LRRIQ3: variants seen among roughly 807,000 people sequenced by gnomAD.
The protein encoded by LRRIQ3 is leucine-rich repeat and IQ domain-containing protein 3.
Under a neutral mutation model 59.3 loss-of-function variants are expected in LRRIQ3, and 75 were observed. That is an observed-to-expected ratio of 1.26 (90% CI 1.05 to 1.53). The LOEUF is 1.53. Among genes scored for constraint, LRRIQ3 ranks in the 40% most tolerant of loss-of-function variants. LRRIQ3 has a pLI of 0.00. For synonymous variants in LRRIQ3, 250 were observed against 231.3 expected, an observed-to-expected ratio of 1.08 and a Z score of -0.73; for missense variants, 831 against 710.0, an observed-to-expected ratio of 1.17 and a Z score of -1.94.
chr1:74,057,480 A>G (rs1654571581), intron 6 of LRRIQ3, among the ~76,000 whole-genome samples: 1 of 152,162 alleles, frequency 6.6e-6, no homozygotes, highest in Admixed American at 6.6e-5. Flanking sequence ...ATAGGTGGCA[A>G]GAATACTCAT....
At chr1:74,149,155 C>T (rs940511615) in intron 4 of LRRIQ3, among the ~76,000 whole-genome samples, 23 of 152,074 alleles carry the variant, frequency 1.5e-4, no homozygotes, top group African/African-American at 4.3e-4. Flanking sequence ...TTTCTTGTAA[C>T]GTCTTTGTAA....
chr1:74,131,735 A>G (rs552410734), intron 4 of LRRIQ3, among the ~76,000 whole-genome samples: 1 of 152,126 alleles, frequency 6.6e-6, no homozygotes, highest in African/African-American at 2.4e-5. Context: ...TCAAAATAAT[A>G]AAGAGCTATT....
At chr1:74,092,881 A>G (rs1646409996) in intron 5 of LRRIQ3, among the ~76,000 whole-genome samples, 1 of 152,000 alleles carries the variant, frequency 6.6e-6, no homozygotes, top group African/African-American at 2.4e-5. Context: ...TGTCTGCAGG[A>G]AAGATGAGAT....
Position 74,198,134 on chromosome 1 carries a change from A to C in LRRIQ3, c.-139T>G. The C allele has an allele frequency of 6.8e-7, 1 of 1,465,314 alleles. No individual in the cohort carries two copies. Among genetic ancestry groups the C allele is most frequent in the Non-Finnish European group, 9.0e-7 (1 of 1,106,744 alleles). 90.8% of individuals were successfully genotyped at this position (1,465,314 alleles called of 1,614,324 possible). A position where few individuals can be genotyped will look rare whatever the true frequency, so the allele number is the denominator to read the frequency against. On this transcript the variant is annotated 5_prime_UTR_variant, in exon 1 of 8. It removes an upstream start codon present in the reference 5' UTR. Coordinates refer to ENST00000354431, the MANE Select transcript of LRRIQ3 (RefSeq NM_001105659.2). Reference sequence around the variant, plus strand: ...AGACAACATCCAAGTTCTCCACATCATGGTTTTCCGGGCGCCAGCCAAGGC... The same window carrying C: ...AGACAACATCCAAGTTCTCCACATCCTGGTTTTCCGGGCGCCAGCCAAGGC...
intron 6 of LRRIQ3, among the ~76,000 whole-genome samples, chr1:74,056,234 G>T (rs1217370363): frequency 6.6e-6 from 1 of 151,872 alleles, no homozygotes; most frequent in Non-Finnish European, 1.5e-5. Context: ...ACACAGTAAA[G>T]ACCATATATG....
chr1:74,050,500 A>G (rs1654339249), intron 6 of LRRIQ3: 2 of 985,062 alleles, frequency 2.0e-6, no homozygotes, highest in Non-Finnish European at 2.4e-6. Context: ...AGAGCAACAC[A>G]GAAGCCAATA....
At chr1:74,149,459 T>C (rs944865725) in intron 4 of LRRIQ3, among the ~76,000 whole-genome samples, 2 of 152,194 alleles carry the variant, frequency 1.3e-5, no homozygotes, top group African/African-American at 2.4e-5. Flanking sequence ...ATTTTTGATA[T>C]AAAGTTGTTC....
chr1:74,074,781 A>G lies in LRRIQ3; in HGVS notation c.877T>C (p.Tyr293His), dbSNP rs142875853. 5.5e-4 allele frequency: 738 copies of G among 1,351,718 alleles called. 6 individuals are homozygous for G. In the African/African-American group the frequency reaches 1.0e-2, roughly 18 times the overall value. 83.7% of individuals were successfully genotyped at this position (1,351,718 alleles called of 1,614,324 possible). A position where few individuals can be genotyped will look rare whatever the true frequency, so the allele number is the denominator to read the frequency against. The change falls in exon 6 of 8, where the codon TAT becomes CAT. Residue 293 changes from tyrosine (Y) to histidine (H), a missense_variant. By Grantham distance (83) the Tyr-to-His change is moderately conservative (BLOSUM62 2). Coordinates refer to ENST00000354431, the MANE Select transcript of LRRIQ3 (RefSeq NM_001105659.2). ...KLAYWKHNIYYPVDLKNSSEH... is the reference protein window; with the variant it reads ...KLAYWKHNIYHPVDLKNSSEH... ...CTGGAATTTTTTAAATCAACAGGAT[A>G]ATATATATTCTGTGAAAATAAAATA...
At chr1:74,130,025 G>A (rs1439568563) in intron 4 of LRRIQ3, among the ~76,000 whole-genome samples, 1 of 151,944 alleles carries the variant, frequency 6.6e-6, no homozygotes, top group Non-Finnish European at 1.5e-5. Context: ...GAAGGCAGAA[G>A]TCTCTCTTGG....
intron 3 of LRRIQ3, among the ~76,000 whole-genome samples, chr1:74,171,135 T>C (rs890412137): frequency 6.6e-5 from 10 of 152,208 alleles, no homozygotes; most frequent in Non-Finnish European, 1.2e-4. Flanking sequence ...CTAACTTTCA[T>C]GGCATTTATT....
At chr1:74,098,649 T>A (rs1029578067) in intron 5 of LRRIQ3, among the ~76,000 whole-genome samples, 14 of 152,110 alleles carry the variant, frequency 9.2e-5, no homozygotes, top group African/African-American at 2.7e-4. Context: ...ACCATATAGT[T>A]GCAAGTAAAG....
chr1:74,175,595 C>T (rs1412764879), intron 3 of LRRIQ3, among the ~76,000 whole-genome samples: 1 of 152,154 alleles, frequency 6.6e-6, no homozygotes, highest in Non-Finnish European at 1.5e-5. Context: ...ATCCTTTTAA[C>T]ATTCTTCCCC....
chr1:74,113,679 A>C (rs1197681764), intron 4 of LRRIQ3, among the ~76,000 whole-genome samples: 1 of 152,116 alleles, frequency 6.6e-6, no homozygotes, highest in African/African-American at 2.4e-5. Context: ...TTAAATCCAG[A>C]AAATATGATC....
At chr1:74,059,420 G>GT (rs781482558) in intron 6 of LRRIQ3, among the ~76,000 whole-genome samples, 101 of 151,992 alleles carry the variant, frequency 6.6e-4, no homozygotes, top group Non-Finnish European at 1.0e-3. Flanking sequence ...TTTTGTACAT[G>GT]GTGTGATGTA....
intron 3 of LRRIQ3, among the ~76,000 whole-genome samples, chr1:74,158,153 C>T (rs1302205640): frequency 6.6e-6 from 1 of 152,052 alleles, no homozygotes; most frequent in African/African-American, 2.4e-5. Context: ...CATTGCTTTT[C>T]CTATGTCTTT....
chr1:74,041,746 T>C lies in LRRIQ3; in HGVS notation c.1185A>G (p.Lys395=). Residue 395 remains lysine, a synonymous_variant, in exon 7 of 8, where the codon AAA becomes AAG. Coordinates refer to ENST00000354431, the MANE Select transcript of LRRIQ3 (RefSeq NM_001105659.2). ...TACTCCGCTCCAATCGTATGTCTTT[T>C]TTAATGATTGGCTTTGGATGAGTAG... ...IYTTHPKPII[K]KDIRLERSMK... 2 of 1,613,756 alleles carry C rather than the reference T, an allele frequency of 1.2e-6. No individual in the cohort carries two copies. Among genetic ancestry groups the C allele is most frequent in the African/African-American group, 2.7e-5 (2 of 75,046 alleles).
chr1:74,195,113 G>A (rs948034774), intron 1 of LRRIQ3, among the ~76,000 whole-genome samples: 16 of 151,940 alleles, frequency 1.1e-4, no homozygotes, highest in Non-Finnish European at 2.2e-4. Flanking sequence ...CCTCCAACAG[G>A]GCATAGTGAG....
intron 4 of LRRIQ3, chr1:74,138,412 C>A (rs1484781819): frequency 1.1e-6 from 1 of 891,886 alleles, no homozygotes; most frequent in African/African-American, 1.8e-5. Context: ...CTCCAAATAT[C>A]CTTCAATCCA....
At chr1:74,103,079 A>C (rs1428228288) in intron 5 of LRRIQ3, among the ~76,000 whole-genome samples, 1 of 151,940 alleles carries the variant, frequency 6.6e-6, no homozygotes, top group African/African-American at 2.4e-5. Context: ...CTAAGTAGAC[A>C]CTAAAAACCA....
Sources: gnomAD v4.1 joint callset for allele counts (sites outside exome capture counted in the v4.1 genomes callset) on GRCh38, gnomAD v4.1.1 for gene constraint, MANE v1.5 for transcripts, NCBI Gene and HGNC (gene_info 2026-07-23, HGNC 2026-07-21) for gene names.